Variants in C2orf68 observed in about 807,000 individuals in gnomAD.
The protein encoded by C2orf68 is UPF0561 protein C2orf68.
Under a neutral mutation model 19.1 loss-of-function variants are expected in C2orf68, and 15 were observed. The ratio of observed to expected loss-of-function variants is 0.79; its 90% CI spans 0.53 to 1.21. The LOEUF (loss-of-function observed/expected upper bound fraction) is 1.21. C2orf68 is among the 50% of genes most tolerant of loss of function. C2orf68 has a pLI of 0.00. For missense variants in C2orf68, 242 were observed against 226.6 expected (o/e 1.07, Z -0.44); for synonymous variants, 98 against 91.0 (o/e 1.08, Z -0.44).
intron 2 of C2orf68, chr2:85,611,364 A>T: frequency 6.9e-7 from 1 of 1,446,258 alleles, no homozygotes; most frequent in Non-Finnish European, 9.0e-7. Context: ...GCTGTGCCAG[A>T]CTTTCTCTTT....
At chr2:85,609,811 G>C (rs1673392934) in intron 2 of C2orf68, among the ~76,000 whole-genome samples, 1 of 152,042 alleles carries the variant, frequency 6.6e-6, no homozygotes, top group Non-Finnish European at 1.5e-5. Flanking sequence ...CTCCCGAGTA[G>C]CTGGGATTAC....
Position 85,609,065 on chromosome 2 carries a change from A to G in C2orf68, c.381T>C (p.Gly127=). 2 of 1,613,964 alleles carry G rather than the reference A, an allele frequency of 1.2e-6. No individual in the cohort carries two copies. Among genetic ancestry groups the G allele is most frequent in the Non-Finnish European group, 8.5e-7 (1 of 1,179,960 alleles). The change falls in exon 4 of 4, where the codon GGT becomes GGC. Residue 127 remains glycine (G), a splice_region_variant and synonymous_variant. Transcript: ENST00000306336. The stretch of plus-strand genomic sequence containing the variant: ...TCTCACTCACCTTTCCTGGGTCATC[A>G]CCCTACGTGGAGGAAGAGTCAGAAG... ...GEVTSVIVYQ[G]DDPGKVSEKV... is the part of the protein sequence containing the mutation.
chr2:85,611,258 C>A, intron 2 of C2orf68: 1 of 1,347,454 alleles, frequency 7.4e-7, no homozygotes, highest in Middle Eastern at 2.8e-4. Context: ...AAAAATTGAC[C>A]GTCATATATT....
chr2:85,611,097 C>T (rs539773356), intron 2 of C2orf68: 85 of 256,154 alleles, frequency 3.3e-4, no homozygotes, highest in Non-Finnish European at 5.0e-4. Flanking sequence ...CAAAATTAAC[C>T]GGTGTGGTGG....
In C2orf68 at chr2:85,608,906, T is replaced by A. The variant is rs1673322768; in HGVS notation, c.*39A>T. 3.1e-6 allele frequency: 5 copies of A among 1,607,368 alleles called. No homozygotes were observed. Among genetic ancestry groups the A allele is most frequent in the Non-Finnish European group, 4.3e-6 (5 of 1,174,668 alleles). On this transcript the variant is annotated 3_prime_UTR_variant, in exon 4 of 4. Coordinates refer to ENST00000306336, the MANE Select transcript of C2orf68 (RefSeq NM_001013649.4). Reference sequence around the variant, plus strand: ...ATTCCCTGGGCAGAATTCTTCCGAGTGCAGTGAATCCAGCCTGGAGAGAAC... The same window carrying A: ...ATTCCCTGGGCAGAATTCTTCCGAGAGCAGTGAATCCAGCCTGGAGAGAAC...
In C2orf68 at chr2:85,609,557, A is replaced by ATC; in HGVS notation, c.255_256insGA (p.Tyr86AspfsTer26). On this transcript the variant is annotated frameshift_variant, in exon 3 of 4. Transcript: ENST00000306336. LOFTEE classifies it high-confidence loss of function. Reference sequence around the variant, plus strand: ...CTGCTGCTTTCACCGGACTCTTCATAGTCTGGGTTGCGTGGGTGGGCAGAG... The same window carrying ATC: ...CTGCTGCTTTCACCGGACTCTTCATATCGTCTGGGTTGCGTGGGTGGGCAGAG... 1 of 1,614,212 alleles carries ATC rather than the reference A, an allele frequency of 6.2e-7. No homozygotes were observed. Among genetic ancestry groups the ATC allele is most frequent in the Non-Finnish European group, 8.5e-7 (1 of 1,180,042 alleles).
chr2:85,609,686 GTCT>G (rs1421009824), intron 2 of C2orf68, 100 bp from the exon 3 acceptor site: 27 of 1,465,164 alleles, frequency 1.8e-5, no homozygotes, highest in Middle Eastern at 2.5e-4. Flanking sequence ...GAAAGCCCCA[GTCT>G]TCTTTTTTTT....
Position 85,612,050 on chromosome 2 carries a change from G to C in C2orf68, c.-66C>G, listed in dbSNP as rs1673587688. ...CCAACAACAGCCACCCGCCCACAGA[G>C]CTCCGCGCCGCCCCTTGCTCAGCTT... On this transcript the variant is annotated 5_prime_UTR_variant, in exon 1 of 4. Transcript: ENST00000306336. 8.3e-7 allele frequency: 1 copy of C among 1,205,740 alleles called. No individual in the cohort carries two copies. 74.7% of individuals were successfully genotyped at this position (1,205,740 alleles called of 1,614,324 possible). A position where few individuals can be genotyped will look rare whatever the true frequency, so the allele number is the denominator to read the frequency against.
In C2orf68 at chr2:85,607,865, A is replaced by G. The variant is rs1673274623; in HGVS notation, c.*1080T>C. 6.6e-6 allele frequency: 1 copy of G among 152,240 alleles called. No individual in the cohort carries two copies. The highest frequency in any genetic ancestry group is 1.5e-5 in the Non-Finnish European group (1 of 68,044). The allele number at this position is 152,240 out of a possible 1,614,324, so 9.4% of individuals were successfully genotyped here. A position where few individuals can be genotyped will look rare whatever the true frequency, so the allele number is the denominator to read the frequency against. ...ACGTAAGCCTAACCCTGCATTAGAA[A>G]AAATGTTCACCGGGTTAGAGCAGTG... On this transcript the variant is annotated 3_prime_UTR_variant, in exon 4 of 4. Transcript: ENST00000306336.
In C2orf68 at chr2:85,612,032, C is replaced by A; in HGVS notation, c.-48G>T. On this transcript the variant is annotated 5_prime_UTR_variant, in exon 1 of 4. Transcript: ENST00000306336. ...GCCGCCGCCTCGACGGCCCCAACAA[C>A]AGCCACCCGCCCACAGAGCTCCGCG... The A allele has an allele frequency of 7.5e-7, 1 of 1,338,248 alleles. No homozygotes were observed. The highest frequency in any genetic ancestry group is 9.9e-7 in the Non-Finnish European group (1 of 1,006,794). The allele number at this position is 1,338,248 out of a possible 1,614,324, so 82.9% of individuals were successfully genotyped here.
In C2orf68 at chr2:85,605,591, T is replaced by G. The variant is rs926172823; in HGVS notation, c.*3354A>C. ...GCAAGGGAGCTTAAAATATTTTAAG[T>G]AATTGTCAACATTCCATGGTGACTC... On this transcript the variant is annotated 3_prime_UTR_variant, in exon 4 of 4. Coordinates refer to ENST00000306336, the MANE Select transcript of C2orf68 (RefSeq NM_001013649.4). Among the ~76,000 whole-genome samples, 12 of 152,182 alleles carry G rather than the reference T, an allele frequency of 7.9e-5. No individual in the cohort carries two copies. The highest frequency in any genetic ancestry group is 2.9e-4 in the African/African-American group (12 of 41,442).
chr2:85,611,525 T>G, intron 2 of C2orf68, 143 bp downstream of exon 2: 4 of 1,550,856 alleles, frequency 2.6e-6, no homozygotes, highest in Non-Finnish European at 2.6e-6. Flanking sequence ...CAGCGGAGAT[T>G]TGGGAGCGCT....
Position 85,605,648 on chromosome 2 carries a change from T to C in C2orf68, c.*3297A>G, listed in dbSNP as rs1199285154. Among the ~76,000 whole-genome samples, 1 of 152,226 alleles carries C rather than the reference T, an allele frequency of 6.6e-6. No individual in the cohort carries two copies. Among genetic ancestry groups the C allele is most frequent in the African/African-American group, 2.4e-5 (1 of 41,452 alleles). ...AAAATCTAGTGGTAGGAAAATAATC[T>C]GTACTTATTCCTCTTTCTGCACACA... On this transcript the variant is annotated 3_prime_UTR_variant, in exon 4 of 4. Coordinates refer to ENST00000306336, the MANE Select transcript of C2orf68 (RefSeq NM_001013649.4).
intron 2 of C2orf68, among the ~76,000 whole-genome samples, chr2:85,609,961 G>A (rs959694125): frequency 4.7e-5 from 7 of 149,698 alleles, no homozygotes; most frequent in Admixed American, 2.0e-4. Context: ...GATTACAGGC[G>A]TGAGCCACTG....
At chr2:85,610,522 TA>T (rs1673440422) in intron 2 of C2orf68, 2 of 152,230 alleles carry the variant, frequency 1.3e-5, no homozygotes, top group African/African-American at 4.8e-5. Context: ...GCAAGTTGTT[TA>T]ACCTCTCTGT....
chr2:85,608,739 A>G lies in C2orf68; in HGVS notation c.*206T>C. 1 of 391,772 alleles carries G rather than the reference A, an allele frequency of 2.6e-6. No individual in the cohort carries two copies. Among genetic ancestry groups the G allele is most frequent in the Non-Finnish European group, 4.4e-6 (1 of 226,270 alleles). 24.3% of individuals were successfully genotyped at this position (391,772 alleles called of 1,614,324 possible). On this transcript the variant is annotated 3_prime_UTR_variant, in exon 4 of 4. Transcript: ENST00000306336. ...AAAAAAAAAAAAAAAAGAATTCCAG[A>G]ATATCAGGCTGGGCAAATGGGTCAA...
rs757051511 is a variant in C2orf68, at chr2:85,605,267, G to GT, written c.*3677dup. ...TGGCAAAAACAGTGCTGTAAAAATC[G>GT]TAAGTTTATTTGTTAAAAAAAATAC... On this transcript the variant is annotated 3_prime_UTR_variant, in exon 4 of 4. Transcript: ENST00000306336. Among the ~76,000 whole-genome samples, 5 of 152,130 alleles carry GT rather than the reference G, an allele frequency of 3.3e-5. No individual in the cohort carries two copies. The highest frequency in any genetic ancestry group is 9.6e-5 in the African/African-American group (4 of 41,500).
intron 2 of C2orf68, among the ~76,000 whole-genome samples, chr2:85,609,987 ATCT>A (rs934792626): frequency 4.2e-5 from 6 of 143,610 alleles, no homozygotes; most frequent in African/African-American, 1.6e-4. Flanking sequence ...AGCTGCCCCA[ATCT>A]TCTTATGGGT....
At position 85,611,661 on chromosome 2, in the gene C2orf68, G is replaced by A. The variant is rs1463448971; in HGVS notation, c.226+7C>T. ...GGGCTGGAGGCAGGCGGGGCGGGCG[G>A]CCTCACCTCGGTGTCGCGGCAGGTA... On this transcript the variant is annotated splice_region_variant and intron_variant, in intron 2 of 3. Transcript: ENST00000306336. 6.4e-7 allele frequency: 1 copy of A among 1,557,542 alleles called. No homozygotes were observed. Among genetic ancestry groups the A allele is most frequent in the South Asian group, 1.2e-5 (1 of 85,156 alleles).
Sources: allele counts gnomAD v4.1 joint callset (sites outside exome capture counted in the v4.1 genomes callset), GRCh38; gene constraint gnomAD v4.1.1; transcripts MANE v1.5; gene names NCBI Gene and HGNC (gene_info 2026-07-23, HGNC 2026-07-21).